The following SAMMSON variants were observed in gnomAD, a reference collection of about 807,000 sequenced individuals.
SAMMSON encodes long intergenic non-protein coding RNA 1212.
intron 7 of SAMMSON, among the ~76,000 whole-genome samples, chr3:70,331,292 C>T (rs534658905): frequency 8.5e-5 from 13 of 152,218 alleles, no homozygotes; most frequent in African/African-American, 2.9e-4. Context: ...AACTTCGTCC[C>T]GTGAAGTAAT....
intron 4 of SAMMSON, among the ~76,000 whole-genome samples, chr3:70,177,372 C>G (rs574198201): frequency 1.4e-4 from 21 of 152,174 alleles, no homozygotes; most frequent in Non-Finnish European, 2.9e-4. Flanking sequence ...GAACTGGTCT[C>G]TTGTCCAGAA....
At position 70,203,771 on chromosome 3, in the gene SAMMSON, T is replaced by G. The variant is rs960385515; in HGVS notation, n.508-45336T>G. On this transcript the variant is annotated intron_variant and non_coding_transcript_variant, in intron 4 of 9. Transcript: ENST00000642114. ...TGGATGAGATGTCTCAAATTCAAAA[T>G]TATACATCAATTAGGTATAGTCTCA... 4.6e-5 allele frequency among the ~76,000 whole-genome samples: 7 copies of G among 152,176 alleles called. No individual in the cohort carries two copies. In the South Asian group the frequency reaches 6.2e-4, roughly 13 times the overall value.
At chr3:70,353,881 C>A (rs1430281649) in intron 7 of SAMMSON, among the ~76,000 whole-genome samples, 1 of 152,150 alleles carries the variant, frequency 6.6e-6, no homozygotes, top group Non-Finnish European at 1.5e-5. Flanking sequence ...TGGAATACAA[C>A]TCAACAATAA....
intron 4 of SAMMSON, chr3:70,196,874 G>C (rs1489798987): frequency 2.5e-6 from 1 of 398,114 alleles, no homozygotes; most frequent in Non-Finnish European, 4.4e-6. Flanking sequence ...TGTTGTAATG[G>C]AATTTCCCAC....
intron 9 of SAMMSON, among the ~76,000 whole-genome samples, chr3:70,360,141 G>A (rs1316027971): frequency 6.6e-6 from 1 of 152,082 alleles, no homozygotes; most frequent in African/African-American, 2.4e-5. Flanking sequence ...TAGAGAAGAA[G>A]GGAGGGAGGG....
At chr3:70,179,908 C>T (rs1701038178) in intron 4 of SAMMSON, among the ~76,000 whole-genome samples, 1 of 151,884 alleles carries the variant, frequency 6.6e-6, no homozygotes, top group South Asian at 2.1e-4. Flanking sequence ...GAAAGATGCC[C>T]AGTGGATAGT....
intron 3 of SAMMSON, among the ~76,000 whole-genome samples, chr3:70,028,372 G>T (rs1447846776): frequency 6.6e-6 from 1 of 152,066 alleles, no homozygotes; most frequent in Non-Finnish European, 1.5e-5. Context: ...TTTGCTTTCA[G>T]GTCTTTACTT....
intron 3 of SAMMSON, among the ~76,000 whole-genome samples, chr3:70,048,935 A>G (rs2067136489): frequency 6.6e-6 from 1 of 152,120 alleles, no homozygotes; most frequent in Non-Finnish European, 1.5e-5. Context: ...AGGCGGCAGG[A>G]TTTGGGATAA....
intron 3 of SAMMSON, chr3:70,030,638 G>A (rs2067061216): frequency 6.6e-6 from 1 of 152,166 alleles, no homozygotes; most frequent in South Asian, 2.1e-4. Context: ...TCTGTAAGTG[G>A]TGGAAGTGAA....
chr3:70,131,491 T>C (rs1363863485), intron 4 of SAMMSON, among the ~76,000 whole-genome samples: 1 of 152,204 alleles, frequency 6.6e-6, no homozygotes, highest in African/African-American at 2.4e-5. Flanking sequence ...GGGTGAATAC[T>C]GGGAAGTTGC....
chr3:70,145,500 G>T (rs2067544845), intron 4 of SAMMSON, among the ~76,000 whole-genome samples: 1 of 151,986 alleles, frequency 6.6e-6, no homozygotes, highest in Non-Finnish European at 1.5e-5. Flanking sequence ...CATTAAAAAT[G>T]CTCTCTGAAT....
chr3:70,136,668 G>C (rs1049734695), intron 4 of SAMMSON, among the ~76,000 whole-genome samples: 30 of 151,992 alleles, frequency 2.0e-4, no homozygotes, highest in African/African-American at 6.8e-4. Context: ...ATAGATAGCT[G>C]GTATAAACTG....
intron 3 of SAMMSON, chr3:70,065,155 C>G (rs934767761): frequency 2.0e-5 from 3 of 151,778 alleles, no homozygotes; most frequent in African/African-American, 7.3e-5. Flanking sequence ...TATGTAAAGT[C>G]TTCTGAAAAT....
chr3:70,375,005 C>T (rs2542482), intron 9 of SAMMSON, among the ~76,000 whole-genome samples: 82,966 of 151,808 alleles, frequency 0.55, 22,908 homozygotes, highest in East Asian at 0.61. Context: ...AAAGGGAAAC[C>T]CATGGAACTC....
intron 3 of SAMMSON, among the ~76,000 whole-genome samples, chr3:70,020,896 G>C (rs561809740): frequency 6.6e-6 from 1 of 152,212 alleles, no homozygotes; most frequent in African/African-American, 2.4e-5. Flanking sequence ...ATGAGATTTA[G>C]AATGTTTAAG....
intron 2 of SAMMSON, among the ~76,000 whole-genome samples, chr3:70,400,557 C>T (rs1701131826): frequency 6.6e-6 from 1 of 152,134 alleles, no homozygotes; most frequent in Non-Finnish European, 1.5e-5. Context: ...GCCAAATAAA[C>T]ATCTTTTCTT....
intron 6 of SAMMSON, among the ~76,000 whole-genome samples, chr3:70,280,465 G>C (rs1257876576): frequency 6.6e-6 from 1 of 152,104 alleles, no homozygotes; most frequent in Non-Finnish European, 1.5e-5. Context: ...TCTCAAATAA[G>C]GCATCAATAC....
At chr3:70,294,577 C>T (rs530904518) in intron 7 of SAMMSON, among the ~76,000 whole-genome samples, 1 of 152,252 alleles carries the variant, frequency 6.6e-6, no homozygotes, top group Admixed American at 6.5e-5. Flanking sequence ...CATTATTGCT[C>T]ATTCTGCAAG....
At chr3:70,388,723 G>T (rs1701007460) in intron 9 of SAMMSON, among the ~76,000 whole-genome samples, 1 of 152,120 alleles carries the variant, frequency 6.6e-6, no homozygotes, top group Non-Finnish European at 1.5e-5. Flanking sequence ...GCCTTTAGTT[G>T]GGGGACAGCT....
Sources: allele counts gnomAD v4.1 joint callset (sites outside exome capture counted in the v4.1 genomes callset), GRCh38; gene constraint gnomAD v4.1.1; transcripts MANE v1.5; gene names NCBI Gene and HGNC (gene_info 2026-07-23, HGNC 2026-07-21).